FBXO34: variants seen among roughly 807,000 people sequenced by gnomAD.
FBXO34 encodes the protein F-box only protein 34.
A neutral mutation model predicts 24.5 loss-of-function variants in FBXO34; 12 were observed. The observed-to-expected ratio is 0.49, with a 90% CI of 0.31 to 0.79. The LOEUF is 0.79. Ranked by LOEUF, FBXO34 falls within the 30% of genes least tolerant of loss-of-function variation. FBXO34 has a pLI of 0.04. For synonymous variants in FBXO34, 320 were observed against 311.9 expected, an observed-to-expected ratio of 1.03 and a Z score of -0.27; for missense variants, 823 against 857.7, an observed-to-expected ratio of 0.96 and a Z score of 0.51.
At chr14:55,292,493 G>A (rs1407231864) in intron 1 of FBXO34, among the ~76,000 whole-genome samples, 2 of 152,024 alleles carry the variant, frequency 1.3e-5, no homozygotes, top group African/African-American at 4.8e-5. Flanking sequence ...CAGAGTATCT[G>A]GGACTACAGG....
intron 1 of FBXO34, among the ~76,000 whole-genome samples, chr14:55,290,803 G>T (rs144662416): frequency 2.6e-3 from 395 of 152,258 alleles, no homozygotes; most frequent in Middle Eastern, 0.02. Context: ...ATGCTGCAGT[G>T]AATAACCTTA....
At chr14:55,411,936 C>T in the FBXO34 span, 13 of 948,314 alleles carry the variant, frequency 1.4e-5, no homozygotes, top group East Asian at 2.6e-5. Context: ...GCCCCCGGAC[C>T]CCTCCGCCGC....
At chr14:55,442,175 G>C in the FBXO34 span, among the ~76,000 whole-genome samples, 1 of 151,384 alleles carries the variant, frequency 6.6e-6, no homozygotes, top group Admixed American at 6.6e-5. Flanking sequence ...GATCACCTGA[G>C]GTCAGGAGTT....
At chr14:55,409,105 T>C in the FBXO34 span, among the ~76,000 whole-genome samples, 6 of 152,202 alleles carry the variant, frequency 3.9e-5, no homozygotes, top group African/African-American at 1.4e-4. Context: ...AGAGAAATGA[T>C]GGTGGTCTGA....
At chr14:55,308,107 C>T (rs7150909) in intron 1 of FBXO34, among the ~76,000 whole-genome samples, 3,002 of 152,296 alleles carry the variant, frequency 0.02, 78 homozygotes, top group African/African-American at 0.069. Context: ...TGACTTTGCA[C>T]CTCATTCACC....
chr14:55,396,327 A>G, the FBXO34 span, among the ~76,000 whole-genome samples: 2 of 152,258 alleles, frequency 1.3e-5, no homozygotes, highest in Non-Finnish European at 2.9e-5. Context: ...TCCCAAAGAA[A>G]TGATACATGC....
chr14:55,353,091 A>C lies in FBXO34; in HGVS notation c.*565A>C, dbSNP rs1884448609. ...ATGCCCTGTGGTGTTTACAGTGTATATAATGGTTGTGTTTTCATGGGGCTA... is the reference window on the plus strand; with the variant it reads ...ATGCCCTGTGGTGTTTACAGTGTATCTAATGGTTGTGTTTTCATGGGGCTA... On this transcript the variant is annotated 3_prime_UTR_variant, in exon 2 of 2. Transcript: ENST00000313833. The C allele has an allele frequency of 5.9e-6, 1 of 168,280 alleles. No individual in the cohort carries two copies. The highest frequency in any genetic ancestry group is 1.4e-5 in the Non-Finnish European group (1 of 68,990). 10.4% of individuals were successfully genotyped at this position (168,280 alleles called of 1,614,324 possible).
chr14:55,434,379 G>A, the FBXO34 span, among the ~76,000 whole-genome samples: 2 of 152,044 alleles, frequency 1.3e-5, no homozygotes, highest in African/African-American at 4.8e-5. Flanking sequence ...CCACATGGAC[G>A]TGTCATCAAA....
the FBXO34 span, chr14:55,394,938 G>A: frequency 5.1e-6 from 2 of 388,888 alleles, no homozygotes; most frequent in Non-Finnish European, 1.0e-5. Context: ...ACCAGAGAAT[G>A]ATTTCACCTC....
chr14:55,285,055 A>G (rs1451880053), intron 1 of FBXO34, among the ~76,000 whole-genome samples: 2 of 149,908 alleles, frequency 1.3e-5, no homozygotes, highest in East Asian at 3.9e-4. Flanking sequence ...AAAAAACTGC[A>G]AAGATCAGTT....
chr14:55,296,981 C>G (rs747976062), intron 1 of FBXO34, among the ~76,000 whole-genome samples: 9 of 152,142 alleles, frequency 5.9e-5, no homozygotes, highest in Non-Finnish European at 1.2e-4. Context: ...TGTTTTAAAA[C>G]AGTAGTTTAG....
chr14:55,353,616 A>T (rs938438276), downstream of FBXO34: 2 of 167,130 alleles, frequency 1.2e-5, no homozygotes, highest in African/African-American at 4.8e-5. Context: ...ATGGAACCCA[A>T]GTTTTGCAAA....
At chr14:55,343,283 C>T (rs1255420776) in intron 1 of FBXO34, among the ~76,000 whole-genome samples, 2 of 144,920 alleles carry the variant, frequency 1.4e-5, no homozygotes, top group Non-Finnish European at 3.0e-5. Flanking sequence ...CGGAGTCTTG[C>T]TCTGTCGCCC....
At chr14:55,422,910 A>G in the FBXO34 span, among the ~76,000 whole-genome samples, 2 of 152,158 alleles carry the variant, frequency 1.3e-5, no homozygotes, top group Admixed American at 6.5e-5. Flanking sequence ...GTAGAATGAC[A>G]TAGAAAAGAG....
the FBXO34 span, among the ~76,000 whole-genome samples, chr14:55,380,876 T>TATA: frequency 0.018 from 1,493 of 84,000 alleles, 19 homozygotes; most frequent in East Asian, 0.063. Context: ...TATATATATA[T>TATA]TTTTTTTTTT....
At position 55,350,960 on chromosome 14, in the gene FBXO34, CTA is replaced by C; in HGVS notation, c.572_573del (p.Tyr191CysfsTer3). 1 of 1,614,172 alleles carries C rather than the reference CTA, an allele frequency of 6.2e-7. No homozygotes were observed. Among genetic ancestry groups the C allele is most frequent in the Non-Finnish European group, 8.5e-7 (1 of 1,180,018 alleles). On this transcript the variant is annotated frameshift_variant, in exon 2 of 2. Coordinates refer to ENST00000313833, the MANE Select transcript of FBXO34 (RefSeq NM_017943.4). LOFTEE classifies it low-confidence loss of function (END_TRUNC). ...GTGGCATTGAGCACTGTTCTGTGCA[CTA>C]TGTGAGTGACAGTGGGGATGGAGTC... Reference protein sequence around the residue: ...ACGIEHCSVHYVSDSGDGVYA... With the variant: ...ACGIEHCSVHXVSDSGDGVYA...
rs1275664940 is a variant in FBXO34, at chr14:55,285,649, T to TA, written c.-11+14116dup. 2.0e-5 allele frequency: 3 copies of TA among 152,230 alleles called. No individual in the cohort carries two copies. In the South Asian group the frequency reaches 6.2e-4, roughly 32 times the overall value. The allele number at this position is 152,230 out of a possible 1,614,324, so 9.4% of individuals were successfully genotyped here. The stretch of plus-strand genomic sequence containing the variant: ...TAACTAGAAGGAGAACATGCCTCCT[T>TA]AAAAGGTATTAGTTTTAGCAATTAA... On this transcript the variant is annotated intron_variant, in intron 1 of 1. Transcript: ENST00000313833.
chr14:55,369,618 G>C, downstream of FBXO34: 2 of 1,510,906 alleles, frequency 1.3e-6, no homozygotes, highest in Non-Finnish European at 1.8e-6. Context: ...GTCCATGCTC[G>C]TTAACGGTGT....
the FBXO34 span, among the ~76,000 whole-genome samples, chr14:55,433,305 T>G: frequency 8.4e-6 from 1 of 118,512 alleles, no homozygotes; most frequent in East Asian, 2.4e-4. Context: ...CTTTTTAGAT[T>G]TCTCTTTTTT....
Sources: gnomAD v4.1 joint callset for allele counts (sites outside exome capture counted in the v4.1 genomes callset) on GRCh38, gnomAD v4.1.1 for gene constraint, MANE v1.5 for transcripts, NCBI Gene and HGNC (gene_info 2026-07-23, HGNC 2026-07-21) for gene names.